The following SHLD2 variants were observed in gnomAD, a reference collection of about 807,000 sequenced individuals.
SHLD2 encodes the protein shieldin complex subunit 2.
SHLD2 carries 30 observed loss-of-function variants against 73.2 expected under a neutral mutation model. The observed-to-expected ratio is 0.41, with a 90% CI of 0.31 to 0.56. The LOEUF (loss-of-function observed/expected upper bound fraction) is 0.56. Ranked by LOEUF, SHLD2 falls within the 20% of genes least tolerant of loss-of-function variation. The pLI is 0.28. For missense variants in SHLD2, 745 were observed against 1,055.9 expected (o/e 0.71, Z 4.08); for synonymous variants, 285 against 370.1 (o/e 0.77, Z 2.64).
Position 87,137,521 on chromosome 10 carries a change from GAC to G in SHLD2, c.-5-13827_-5-13826del, listed in dbSNP as rs1266561267. ...ATGAAGACAGATTGGAAAGAGAAAA[GAC>G]AGAAAAAGTCAGGGAGGGGTAGAAA... On this transcript the variant is annotated intron_variant, in intron 2 of 9. Coordinates refer to ENST00000298786, the MANE Select transcript of SHLD2 (RefSeq NM_001330112.2). Among the ~76,000 whole-genome samples, 4 of 151,988 alleles carry G rather than the reference GAC, an allele frequency of 2.6e-5. No homozygotes were observed. In the East Asian group the frequency reaches 5.8e-4, roughly 22 times the overall value.
chr10:87,128,194 T>C (rs749644288), intron 2 of SHLD2, among the ~76,000 whole-genome samples: 57 of 152,206 alleles, frequency 3.7e-4, no homozygotes, highest in Non-Finnish European at 5.4e-4. Flanking sequence ...CCTCAACTCA[T>C]AGGTATTTGG....
At chr10:87,181,239 A>AAAAAAT (rs1307843612) in intron 8 of SHLD2, among the ~76,000 whole-genome samples, 1 of 142,970 alleles carries the variant, frequency 7.0e-6, no homozygotes. Flanking sequence ...AAAAAAAAAA[A>AAAAAAT]GCTGGGCAGG....
chr10:87,134,828 A>G (rs1223587088), intron 2 of SHLD2, among the ~76,000 whole-genome samples: 1 of 152,106 alleles, frequency 6.6e-6, no homozygotes, highest in Non-Finnish European at 1.5e-5. Context: ...AAACTGCTCT[A>G]ATTCATTTCA....
chr10:87,186,531 T>C lies in SHLD2; in HGVS notation c.2400-554T>C, dbSNP rs533408027. Among the ~76,000 whole-genome samples, 26 of 152,330 alleles carry C rather than the reference T, an allele frequency of 1.7e-4. No individual in the cohort carries two copies. In the South Asian group the frequency reaches 3.3e-3, roughly 19 times the overall value. The stretch of plus-strand genomic sequence containing the variant: ...CCCAGCACATGTGTATCCCTTTCTT[T>C]AGAAGCATGTGGACAGAAGAATATT... On this transcript the variant is annotated intron_variant, in intron 8 of 9. Coordinates refer to ENST00000298786, the MANE Select transcript of SHLD2 (RefSeq NM_001330112.2).
intron 2 of SHLD2, among the ~76,000 whole-genome samples, chr10:87,101,062 A>G (rs1244279875): frequency 6.6e-6 from 1 of 152,218 alleles, no homozygotes; most frequent in African/African-American, 2.4e-5. Flanking sequence ...TATCACTGTC[A>G]GAGGATAAGT....
intron 2 of SHLD2, among the ~76,000 whole-genome samples, chr10:87,124,845 A>G (rs1241199510): frequency 1.3e-5 from 2 of 151,450 alleles, no homozygotes; most frequent in African/African-American, 2.4e-5. Context: ...CCTGGGCTCA[A>G]TTGATCCTCC....
intron 2 of SHLD2, among the ~76,000 whole-genome samples, chr10:87,116,185 G>C (rs1441688113): frequency 2.0e-5 from 3 of 151,986 alleles, no homozygotes; most frequent in East Asian, 1.9e-4. Flanking sequence ...AGGACTAAGC[G>C]TGGATATTTG....
At chr10:87,180,335 A>G (rs1317900813) in intron 8 of SHLD2, 32 bp downstream of exon 8, 15 of 1,594,452 alleles carry the variant, frequency 9.4e-6, no homozygotes, top group Non-Finnish European at 1.3e-5. Context: ...ATTTGATGGA[A>G]AATAATTATT....
intron 8 of SHLD2, among the ~76,000 whole-genome samples, chr10:87,181,357 G>A (rs1332382583): frequency 6.6e-6 from 1 of 151,684 alleles, no homozygotes; most frequent in African/African-American, 2.4e-5. Flanking sequence ...CTGCACTCTA[G>A]CTTGTGCAAC....
chr10:87,157,040 G>A (rs1454901640), intron 3 of SHLD2, among the ~76,000 whole-genome samples: 1 of 152,178 alleles, frequency 6.6e-6, no homozygotes, highest in African/African-American at 2.4e-5. Flanking sequence ...GGTGGGGGCT[G>A]GTGGCAAGGA....
At chr10:87,188,659 C>G (rs1848792309) in intron 9 of SHLD2, among the ~76,000 whole-genome samples, 2 of 152,140 alleles carry the variant, frequency 1.3e-5, no homozygotes, top group Admixed American at 6.5e-5. Flanking sequence ...TCACATTCTT[C>G]TTTCCTGCCT....
Position 87,180,248 on chromosome 10 carries a change from A to T in SHLD2, c.2344A>T (p.Ile782Phe), listed in dbSNP as rs538416179. 1 of 1,612,918 alleles carries T rather than the reference A, an allele frequency of 6.2e-7. No homozygotes were observed. Among genetic ancestry groups the T allele is most frequent in the African/African-American group, 1.3e-5 (1 of 74,992 alleles). Reference protein sequence around the residue: ...GLELETDENRIYKQCFSCLPF... With the variant: ...GLELETDENRFYKQCFSCLPF... ...GGAACTAGAAACAGATGAGAACAGGATCTACAAACAATGTTTTAGCTGCTT... is the reference window on the plus strand; with the variant it reads ...GGAACTAGAAACAGATGAGAACAGGTTCTACAAACAATGTTTTAGCTGCTT... The change falls in exon 8 of 10, where the codon ATC (isoleucine) becomes TTC (phenylalanine). Residue 782 changes from isoleucine to phenylalanine, a missense_variant. By Grantham distance (21) the Ile-to-Phe change is conservative. Around this residue, in one of 5 missense-constraint regions of SHLD2, gnomAD observed 418 missense variants for 567.8 expected, o/e 0.74. Transcript: ENST00000298786.
chr10:87,097,298 C>A (rs1410031311), intron 2 of SHLD2, among the ~76,000 whole-genome samples: 1 of 152,194 alleles, frequency 6.6e-6, no homozygotes, highest in East Asian at 1.9e-4. Flanking sequence ...AGGTGGCTCA[C>A]GCCTGTAATC....
At chr10:87,168,078 A>G (rs1847330416) in intron 4 of SHLD2, among the ~76,000 whole-genome samples, 1 of 152,226 alleles carries the variant, frequency 6.6e-6, no homozygotes, top group African/African-American at 2.4e-5. Flanking sequence ...GGGTTTTCTC[A>G]AAGAAGTTAA....
rs768110510 is a variant in SHLD2 at position 87,151,581 on chromosome 10, A to G, written c.227A>G (p.His76Arg). The change falls in exon 3 of 10, where the codon CAT (histidine) becomes CGT (arginine). Residue 76 changes from histidine to arginine, a missense_variant. Transcript: ENST00000298786. ...ATTGGTTCTCCAGATCTTAGTGGTC[A>G]TTTCTTAGCAAACTGTATGAATAGA... ...ESIGSPDLSG[H>R]FLANCMNRHV... 3 of 1,611,624 alleles carry G rather than the reference A, an allele frequency of 1.9e-6. No homozygotes were observed. Among genetic ancestry groups the G allele is most frequent in the Non-Finnish European group, 2.5e-6 (3 of 1,179,610 alleles).
At chr10:87,117,869 T>G (rs1415860202) in intron 2 of SHLD2, among the ~76,000 whole-genome samples, 3 of 152,240 alleles carry the variant, frequency 2.0e-5, no homozygotes, top group African/African-American at 7.2e-5. Context: ...GAGTTTTGTT[T>G]GTTTTAAAGA....
chr10:87,176,968 A>G (rs1488260056), intron 7 of SHLD2, among the ~76,000 whole-genome samples: 4 of 152,024 alleles, frequency 2.6e-5, no homozygotes, highest in Admixed American at 6.5e-5. Context: ...ATAAGCTTTT[A>G]TACTATAAAA....
chr10:87,183,711 A>G (rs1479896519), intron 8 of SHLD2, among the ~76,000 whole-genome samples: 1 of 152,120 alleles, frequency 6.6e-6, no homozygotes, highest in African/African-American at 2.4e-5. Context: ...TCAAAGTTAC[A>G]CTTTTGATGT....
intron 2 of SHLD2, among the ~76,000 whole-genome samples, chr10:87,105,236 A>G (rs968533733): frequency 6.6e-6 from 1 of 152,214 alleles, no homozygotes; most frequent in African/African-American, 2.4e-5. Flanking sequence ...AGGGAAGTGT[A>G]AGGTAAAAAT....
Sources: allele counts gnomAD v4.1 joint callset (sites outside exome capture counted in the v4.1 genomes callset), GRCh38; gene constraint gnomAD v4.1.1; regional missense constraint gnomAD v4.1.1; transcripts MANE v1.5; gene names NCBI Gene and HGNC (gene_info 2026-07-23, HGNC 2026-07-21).